The following THSD7A variants were observed in gnomAD, a reference collection of about 807,000 sequenced individuals.
The protein encoded by THSD7A is thrombospondin type-1 domain-containing protein 7A.
A neutral mutation model predicts 231.3 loss-of-function variants in THSD7A; 96 were observed. The observed-to-expected ratio is 0.41, with a 90% CI of 0.35 to 0.49. THSD7A has a LOEUF of 0.49. Among genes scored for constraint, THSD7A ranks in the 20% least tolerant of loss-of-function variants. The pLI, the probability that THSD7A is intolerant of heterozygous loss-of-function variation, is 0.05. For missense variants in THSD7A, 2,290 were observed against 2,070.2 expected (o/e 1.11, Z -2.06); for synonymous variants, 940 against 743.3 (o/e 1.26, Z -4.30).
At chr7:11,382,305 C>T (rs1782549390) in intron 24 of THSD7A, among the ~76,000 whole-genome samples, 1 of 151,914 alleles carries the variant, frequency 6.6e-6, no homozygotes, top group African/African-American at 2.4e-5. Context: ...AGCAGCAATA[C>T]CTAAAAAGGC....
chr7:11,588,308 C>G (rs780240079), intron 4 of THSD7A, among the ~76,000 whole-genome samples: 1 of 152,068 alleles, frequency 6.6e-6, no homozygotes, highest in Non-Finnish European at 1.5e-5. Context: ...GAGAAACTAA[C>G]ATAGTCTAAA....
chr7:11,497,982 C>T (rs1787173426), intron 6 of THSD7A, among the ~76,000 whole-genome samples: 1 of 152,148 alleles, frequency 6.6e-6, no homozygotes, highest in African/African-American at 2.4e-5. Flanking sequence ...CCCACTCCAC[C>T]TTCAGTCTTC....
intron 11 of THSD7A, among the ~76,000 whole-genome samples, chr7:11,458,105 G>T (rs964627445): frequency 6.6e-6 from 1 of 152,006 alleles, no homozygotes; most frequent in Non-Finnish European, 1.5e-5. Flanking sequence ...TGTGCTAGGG[G>T]GGACAGAGAG....
chr7:11,580,511 A>G (rs1791108372), intron 4 of THSD7A, among the ~76,000 whole-genome samples: 1 of 152,210 alleles, frequency 6.6e-6, no homozygotes, highest in Non-Finnish European at 1.5e-5. Flanking sequence ...ACAAGTATCA[A>G]GTATACTTTT....
chr7:11,753,220 A>T (rs1219960647), intron 1 of THSD7A, among the ~76,000 whole-genome samples: 3 of 152,074 alleles, frequency 2.0e-5, no homozygotes, highest in Non-Finnish European at 1.5e-5. Context: ...TGAAGCTTAT[A>T]TGAAAATTAT....
At chr7:11,776,542 C>T (rs1488693202) in intron 1 of THSD7A, among the ~76,000 whole-genome samples, 2 of 152,084 alleles carry the variant, frequency 1.3e-5, no homozygotes, top group East Asian at 3.9e-4. Context: ...TGACTTTATT[C>T]ATATTATGGT....
At chr7:11,706,036 G>C (rs1215548544) in intron 1 of THSD7A, among the ~76,000 whole-genome samples, 1 of 150,840 alleles carries the variant, frequency 6.6e-6, no homozygotes, top group African/African-American at 2.4e-5. Flanking sequence ...CTAATATACT[G>C]TGAAGCCACA....
At chr7:11,566,969 G>GGTGGGGGGGGGC (rs1790365483) in intron 4 of THSD7A, among the ~76,000 whole-genome samples, 2 of 84,148 alleles carry the variant, frequency 2.4e-5, no homozygotes, top group African/African-American at 5.8e-5. Flanking sequence ...GGAGAGTGGG[G>GGTGGGGGGGGGC]GGGGGACTGA....
At chr7:11,612,650 T>C (rs1440089529) in intron 2 of THSD7A, among the ~76,000 whole-genome samples, 1 of 152,310 alleles carries the variant, frequency 6.6e-6, no homozygotes, top group Non-Finnish European at 1.5e-5. Context: ...TTTAATATAG[T>C]ATATTTTAAC....
chr7:11,531,227 A>G (rs1788695714), intron 6 of THSD7A, among the ~76,000 whole-genome samples: 1 of 152,122 alleles, frequency 6.6e-6, no homozygotes, highest in Admixed American at 6.6e-5. Flanking sequence ...ACCCTTATCT[A>G]AGCCACACTG....
chr7:11,426,574 G>A (rs1489831818), intron 15 of THSD7A, 92 bp downstream of exon 15: 5 of 1,337,818 alleles, frequency 3.7e-6, no homozygotes, highest in Non-Finnish European at 5.0e-6. Flanking sequence ...AAACATAAAA[G>A]ACAAAGCAAG....
At chr7:11,706,365 T>C (rs1321306027) in intron 1 of THSD7A, among the ~76,000 whole-genome samples, 1 of 150,806 alleles carries the variant, frequency 6.6e-6, no homozygotes, top group Non-Finnish European at 1.5e-5. Context: ...GAAATACACA[T>C]TGAATTTGCA....
chr7:11,725,522 A>T (rs1781517620), intron 1 of THSD7A, among the ~76,000 whole-genome samples: 1 of 152,010 alleles, frequency 6.6e-6, no homozygotes, highest in Non-Finnish European at 1.5e-5. Context: ...ATTAACGTAG[A>T]TCCAGATGAA....
rs991855198 is a variant in THSD7A, at chr7:11,402,087, T to A, written c.4238-119A>T. ...TGGTATCCCAGGCACACATAATATT[T>A]ATAAGATTTAAATAAGCATTTAATA... On this transcript the variant is annotated intron_variant, in intron 22 of 27. Coordinates refer to ENST00000423059, the MANE Select transcript of THSD7A (RefSeq NM_015204.3). The A allele has an allele frequency of 1.5e-5, 11 of 742,858 alleles. No homozygotes were observed. The African/African-American group carries it at 1.8e-4, about 12-fold the overall frequency. The allele number at this position is 742,858 out of a possible 1,614,324, so 46.0% of individuals were successfully genotyped here.
intron 18 of THSD7A, among the ~76,000 whole-genome samples, chr7:11,412,022 T>G (rs1049719158): frequency 1.3e-5 from 2 of 152,148 alleles, no homozygotes; most frequent in African/African-American, 4.8e-5. Flanking sequence ...TGAAAATTAC[T>G]TGGGAAAAAT....
At chr7:11,443,734 A>T (rs1030847873) in intron 13 of THSD7A, among the ~76,000 whole-genome samples, 3 of 152,054 alleles carry the variant, frequency 2.0e-5, no homozygotes, top group Non-Finnish European at 4.4e-5. Context: ...GATAGTTAAA[A>T]TGGTAATATT....
intron 16 of THSD7A, among the ~76,000 whole-genome samples, chr7:11,423,773 T>C (rs1025155081): frequency 2.0e-5 from 3 of 152,124 alleles, no homozygotes; most frequent in Non-Finnish European, 2.9e-5. Flanking sequence ...TCTTGGTACA[T>C]TATTTAGCAC....
chr7:11,585,734 G>C (rs1779864802), intron 4 of THSD7A, among the ~76,000 whole-genome samples: 1 of 151,962 alleles, frequency 6.6e-6, no homozygotes. Flanking sequence ...AACTGTGGCT[G>C]GACAACACAC....
At chr7:11,810,917 C>G (rs1372371533) in intron 1 of THSD7A, among the ~76,000 whole-genome samples, 1 of 152,056 alleles carries the variant, frequency 6.6e-6, no homozygotes, top group Non-Finnish European at 1.5e-5. Context: ...ACTAAAGACT[C>G]CTCAAATCAG....
Sources: gnomAD v4.1 joint callset for allele counts (sites outside exome capture counted in the v4.1 genomes callset) on GRCh38, gnomAD v4.1.1 for gene constraint, MANE v1.5 for transcripts, NCBI Gene and HGNC (gene_info 2026-07-23, HGNC 2026-07-21) for gene names.